Variants in TSC2 observed in about 807,000 individuals in gnomAD.
TSC2 encodes the protein TSC complex subunit 2, also known as tuberin.
A neutral mutation model predicts 202.2 loss-of-function variants in TSC2; 29 were observed. The ratio of observed to expected loss-of-function variants is 0.14; its 90% confidence interval spans 0.11 to 0.20. The LOEUF is 0.20. Ranked by LOEUF, TSC2 falls within the 10% of genes least tolerant of loss-of-function variation. The pLI, the probability that TSC2 is intolerant of heterozygous loss-of-function variation, is 1.00. For synonymous variants in TSC2, 1,349 were observed against 1,044.0 expected (o/e 1.29, Z -5.63); for missense variants, 2,429 against 2,420.0 (o/e 1.00, Z -0.08).
At chr16:2,087,819 GCA>G (rs2091034418) in intron 38 of TSC2, 42 bp from the exon 39 acceptor site, 2 of 1,606,576 alleles carry the variant, frequency 1.2e-6, no homozygotes, top group South Asian at 2.2e-5. Flanking sequence ...TCAGCCTTCA[GCA>G]CACGCTGTGT....
At chr16:2,069,146 C>T (rs941145392) in intron 16 of TSC2, among the ~76,000 whole-genome samples, 3 of 152,192 alleles carry the variant, frequency 2.0e-5, no homozygotes, top group Non-Finnish European at 4.4e-5. Flanking sequence ...CCTTTTCCTG[C>T]CTGCCTAGTG....
intron 3 of TSC2, among the ~76,000 whole-genome samples, chr16:2,052,229 A>G (rs1403173917): frequency 2.7e-5 from 4 of 148,998 alleles, no homozygotes; most frequent in Admixed American, 6.6e-5. Flanking sequence ...AGTATTGTCA[A>G]TGAGACAAAG....
chr16:2,065,773 G>A lies in TSC2; in HGVS notation c.1716+138G>A. The stretch of plus-strand genomic sequence containing the variant: ...ATTTGCTGAGGGTGCGGTGGTCTCA[G>A]CAGGCAGCAGAACCTTCCTCCTGCT... On this transcript the variant is annotated intron_variant, in intron 16 of 41. Coordinates refer to ENST00000219476, the MANE Select transcript of TSC2 (RefSeq NM_000548.5). 5.2e-6 allele frequency: 4 copies of A among 768,100 alleles called. No individual in the cohort carries two copies. The South Asian group carries it at 6.0e-5, about 11-fold the overall frequency. 47.6% of individuals were successfully genotyped at this position (768,100 alleles called of 1,614,324 possible).
Position 2,061,996 on chromosome 16 carries a change from G to A in TSC2, c.1245G>A (p.Ala415=), listed in dbSNP as rs757325185. The A allele has an allele frequency of 2.4e-5, 39 of 1,614,024 alleles. No individual in the cohort carries two copies. The highest frequency in any genetic ancestry group is 6.7e-5 in the Admixed American group (4 of 60,010). The change falls in exon 12 of 42, where the codon GCG becomes GCA. Residue 415 remains alanine, a synonymous_variant. Coordinates refer to ENST00000219476, the MANE Select transcript of TSC2 (RefSeq NM_000548.5). ...ERYFELVERC[A]DQRPESSLLN... ...ACTTTGAACTGGTGGAGAGATGTGC[G>A]GACCAGAGGCCTGTGAGACCCCCTC... is the stretch of plus-strand genomic sequence containing the variant.
In TSC2 at chr16:2,079,652, G is replaced by T; in HGVS notation, c.3380G>T (p.Arg1127Leu). 6.2e-7 allele frequency: 1 copy of T among 1,600,226 alleles called. No homozygotes were observed. The highest frequency in any genetic ancestry group is 8.5e-7 in the Non-Finnish European group (1 of 1,174,434). The change falls in exon 29 of 42, where the codon CGG (arginine) becomes CTG (leucine). Residue 1127 changes from arginine to leucine, a missense_variant. By Grantham distance (102) the Arg-to-Leu change is moderately radical (BLOSUM62 -2). Transcript: ENST00000219476. The surrounding 1 kb of genome is among the most constrained non-coding windows in gnomAD (Gnocchi z 4.6). ...GQQVSRGARD[R>L]VRSMSGGHGL... ...CAGGTGTCCCGTGGGGCCCGGGATC[G>T]GGTCCGTTCCATGTCGGGTGAGCCT...
At chr16:2,073,176 T>G (rs1031215383) in intron 21 of TSC2, among the ~76,000 whole-genome samples, 193 bp downstream of exon 21, 1 of 152,182 alleles carries the variant, frequency 6.6e-6, no homozygotes, top group Non-Finnish European at 1.5e-5. Flanking sequence ...CTAGCTCTCT[T>G]TGGGGCCTGG....
Position 2,062,998 on chromosome 16 carries a change from T to A in TSC2, c.1388T>A (p.Ile463Asn), listed in dbSNP as rs1060500940. Residue 463 changes from isoleucine to asparagine, a missense_variant, in exon 14 of 42, where the codon ATC becomes AAC. Transcript: ENST00000219476. Reference sequence around the variant, plus strand: ...AGCGAGTCCCGAGGCGCCGTGCGCATCAAGGTGCTGGACGTGCTGTCCTTT... The same window carrying A: ...AGCGAGTCCCGAGGCGCCGTGCGCAACAAGGTGCTGGACGTGCTGTCCTTT... ...FRSESRGAVR[I>N]KVLDVLSFVL... The A allele has an allele frequency of 6.4e-7, 1 of 1,551,272 alleles. No homozygotes were observed. Among genetic ancestry groups the A allele is most frequent in the Non-Finnish European group, 8.7e-7 (1 of 1,146,882 alleles).
At chr16:2,074,076 C>A in intron 21 of TSC2, 124 bp from the exon 22 acceptor site, 1 of 1,263,342 alleles carries the variant, frequency 7.9e-7, no homozygotes, top group Non-Finnish European at 1.1e-6. Context: ...CTCTGCCCCA[C>A]AGGCATTCAG....
chr16:2,083,484 C>T (rs1364169843), intron 32 of TSC2: 1 of 807,560 alleles, frequency 1.2e-6, no homozygotes. Context: ...CCCCCGGGCA[C>T]TCATGCAGGA....
intron 2 of TSC2, among the ~76,000 whole-genome samples, chr16:2,050,060 A>T (rs1385195954): frequency 6.9e-6 from 1 of 144,012 alleles, no homozygotes; most frequent in African/African-American, 2.6e-5. Flanking sequence ...GGTTCAAGGG[A>T]TTCTCCTGCC....
In TSC2 at chr16:2,076,475, G is replaced by A. The variant is rs896016432; in HGVS notation, c.2743-16G>A. On this transcript the variant is annotated splice_polypyrimidine_tract_variant and intron_variant, in intron 24 of 41. Transcript: ENST00000219476. ...CATTGCCACCCCTCACTGTCTGGGT[G>A]TGCTCACTCTGCCAGGGCCTGCGGT... 3.7e-6 allele frequency: 6 copies of A among 1,613,028 alleles called. No homozygotes were observed. The African/African-American group carries it at 4.0e-5, about 11-fold the overall frequency.
chr16:2,077,842 C>G (rs1357354960), intron 26 of TSC2, 116 bp downstream of exon 26: 2 of 1,544,066 alleles, frequency 1.3e-6, no homozygotes, highest in East Asian at 4.5e-5. Flanking sequence ...TCCTCCCTGG[C>G]CAGCCCAGGG....
At position 2,088,706 on chromosome 16, in the gene TSC2, G is replaced by A. The variant is rs1431930770; in HGVS notation, c.*96G>A. Reference sequence around the variant, plus strand: ...CCCAGTGCACAGACATAGAGGCACAGATTGCAGTCAGACAGCTCTTTTATT... The same window carrying A: ...CCCAGTGCACAGACATAGAGGCACAAATTGCAGTCAGACAGCTCTTTTATT... On this transcript the variant is annotated 3_prime_UTR_variant, in exon 42 of 42. Coordinates refer to ENST00000219476, the MANE Select transcript of TSC2 (RefSeq NM_000548.5). 8.9e-6 allele frequency: 13 copies of A among 1,466,656 alleles called. No individual in the cohort carries two copies. The highest frequency in any genetic ancestry group is 1.2e-5 in the Non-Finnish European group (13 of 1,090,848). 90.9% of individuals were successfully genotyped at this position (1,466,656 alleles called of 1,614,324 possible). A position where few individuals can be genotyped will look rare whatever the true frequency, so the allele number is the denominator to read the frequency against.
chr16:2,081,483 TG>T, intron 30 of TSC2, 111 bp from the exon 31 acceptor site: 1 of 1,341,858 alleles, frequency 7.5e-7, no homozygotes, highest in Non-Finnish European at 1.1e-6. Context: ...CTGAGGATTG[TG>T]GGAGGGAGCA....
intron 38 of TSC2, chr16:2,087,093 C>A: frequency 1.5e-6 from 1 of 665,046 alleles, no homozygotes; most frequent in Non-Finnish European, 2.6e-6. Flanking sequence ...TCAGGAGTAA[C>A]TGGCAAGTGC....
intron 17 of TSC2, 108 bp downstream of exon 17, chr16:2,070,686 T>C (rs2088176952): frequency 6.5e-7 from 1 of 1,541,628 alleles, no homozygotes; most frequent in Non-Finnish European, 8.8e-7. Flanking sequence ...GGATGGGGCC[T>C]CAGCTGACCG....
chr16:2,086,465 A>G (rs1596440640), intron 37 of TSC2, 86 bp downstream of exon 37: 2 of 1,536,732 alleles, frequency 1.3e-6, no homozygotes, highest in East Asian at 4.9e-5. Flanking sequence ...GCCCTGGGGC[A>G]TGGCCCTGGC....
chr16:2,055,545 C>T, intron 6 of TSC2, 26 bp downstream of exon 6: 3 of 1,593,600 alleles, frequency 1.9e-6, no homozygotes, highest in Non-Finnish European at 2.6e-6. Flanking sequence ...AGATCCTGTT[C>T]TGATAATGGT....
intron 35 of TSC2, 101 bp from the exon 36 acceptor site, chr16:2,085,129 C>G: frequency 6.2e-7 from 1 of 1,602,222 alleles, no homozygotes; most frequent in Non-Finnish European, 8.5e-7. Flanking sequence ...GCAGAGGGCT[C>G]TGGCCTAAGC....
Sources: allele counts gnomAD v4.1 joint callset (sites outside exome capture counted in the v4.1 genomes callset), GRCh38; gene constraint gnomAD v4.1.1; non-coding constraint Gnocchi (gnomAD v3.1); transcripts MANE v1.5; gene names NCBI Gene and HGNC (gene_info 2026-07-23, HGNC 2026-07-21).